The following DMTF1 variants were observed in gnomAD, a reference collection of about 807,000 sequenced individuals.
The protein encoded by DMTF1 is cyclin-D-binding Myb-like transcription factor 1.
Under a neutral mutation model 91.1 loss-of-function variants are expected in DMTF1, and 39 were observed. The observed-to-expected ratio is 0.43, with a 90% CI of 0.33 to 0.56. The LOEUF (loss-of-function observed/expected upper bound fraction) is 0.56. Ranked by LOEUF, DMTF1 falls within the 20% of genes least tolerant of loss-of-function variation. The probability of loss-of-function intolerance (pLI) is 0.05; values close to 1 mark genes in which losing one functional copy is unlikely to be tolerated. For synonymous variants in DMTF1, 338 were observed against 309.5 expected, an observed-to-expected ratio of 1.09 and a Z score of -0.97; for missense variants, 750 against 914.5, an observed-to-expected ratio of 0.82 and a Z score of 2.32.
chr7:87,192,237 ATGT>A (rs1397650602), intron 14 of DMTF1, among the ~76,000 whole-genome samples: 7 of 152,128 alleles, frequency 4.6e-5, no homozygotes, highest in African/African-American at 1.4e-4. Context: ...TGAAAATTAA[ATGT>A]TAAGTATATT....
At chr7:87,179,739 T>C in intron 8 of DMTF1, 37 bp downstream of exon 8, 1 of 1,531,594 alleles carries the variant, frequency 6.5e-7, no homozygotes, top group Non-Finnish European at 8.7e-7. Flanking sequence ...TTTCATGTAA[T>C]TAGGGGAAAT....
rs780025011 is a variant in DMTF1, at chr7:87,193,785, A to G, written c.1711A>G (p.Ile571Val). ...AGTGCAGTGTCACACACCAAGAGTC[A>G]TCATTCAGACTGTTGCCACAGAGGA... Reference protein sequence around the residue: ...VTVQCHTPRVIIQTVATEDIT... With the variant: ...VTVQCHTPRVVIQTVATEDIT... Residue 571 changes from isoleucine to valine, a missense_variant, in exon 16 of 18, where the codon ATC becomes GTC. This residue lies in a region of DMTF1 where 410 missense variants were observed against 420.2 expected (regional missense o/e 0.98). Transcript: ENST00000331242. The G allele has an allele frequency of 6.2e-7, 1 of 1,612,938 alleles. No homozygotes were observed. Among genetic ancestry groups the G allele is most frequent in the Non-Finnish European group, 8.5e-7 (1 of 1,179,250 alleles).
At chr7:87,173,905 C>G (rs760298788) in intron 6 of DMTF1, among the ~76,000 whole-genome samples, 17 of 152,116 alleles carry the variant, frequency 1.1e-4, no homozygotes, top group Non-Finnish European at 2.2e-4. Flanking sequence ...TGAACAAATG[C>G]ATAGTGGTGG....
In DMTF1 at chr7:87,164,649, CT is replaced by C. The variant is rs551465601; in HGVS notation, c.-8-281del. Among the ~76,000 whole-genome samples the C allele has an allele frequency of 4.0e-3, 602 of 152,282 alleles. 2 individuals carry two copies. Among genetic ancestry groups the C allele is most frequent in the African/African-American group, 0.013 (558 of 41,564 alleles). ...AAGTTTTGCTGATAAGACGGATTCT[CT>C]TTTGTTGGATGTTGCAAAAACGTTT... On this transcript the variant is annotated intron_variant, in intron 2 of 17. Transcript: ENST00000331242.
chr7:87,195,986 G>A lies in DMTF1; in HGVS notation c.*846G>A, dbSNP rs1366568418. The A allele has an allele frequency of 1.3e-5, 2 of 151,996 alleles. No homozygotes were observed. Among genetic ancestry groups the A allele is most frequent in the Admixed American group, 6.6e-5 (1 of 15,208 alleles). 9.4% of individuals were successfully genotyped at this position (151,996 alleles called of 1,614,324 possible). A position where few individuals can be genotyped will look rare whatever the true frequency, so the allele number is the denominator to read the frequency against. ...TCATCCACTTAGTGTGTTAGCTGGT[G>A]GGGTACAATATAACCTCTCATCTCA... On this transcript the variant is annotated 3_prime_UTR_variant, in exon 18 of 18. Coordinates refer to ENST00000331242, the MANE Select transcript of DMTF1 (RefSeq NM_001142327.2).
At chr7:87,167,916 A>G (rs889803700) in intron 4 of DMTF1, among the ~76,000 whole-genome samples, 2 of 152,228 alleles carry the variant, frequency 1.3e-5, no homozygotes, top group African/African-American at 2.4e-5. Flanking sequence ...ACTTCAACCA[A>G]TTCATTTTGT....
chr7:87,152,999 G>A (rs1364643972), intron 1 of DMTF1: 1 of 154,474 alleles, frequency 6.5e-6, no homozygotes, highest in Admixed American at 6.5e-5. Context: ...TTTTATTTTT[G>A]TTACGTTTTC....
intron 13 of DMTF1, among the ~76,000 whole-genome samples, chr7:87,189,828 A>C (rs1471075811): frequency 6.6e-6 from 1 of 152,072 alleles, no homozygotes; most frequent in Non-Finnish European, 1.5e-5. Flanking sequence ...CTTAAGCTAC[A>C]TTTGTCCCTG....
Position 87,166,494 on chromosome 7 carries a change from A to G in DMTF1, c.121A>G (p.Ile41Val). The change falls in exon 4 of 18, where the codon ATA becomes GTA. Residue 41 changes from isoleucine (I) to valine (V), a missense_variant. Ile to Val is a conservative substitution (Grantham distance 29). Transcript: ENST00000331242. ...LHCPQNEADE[I>V]DSEDSIEPPH... is the part of the protein sequence containing the mutation. ...TTTTCTTCCATTAGAAGCGGATGAAATAGACTCAGAAGATAGTATTGAACC... is the reference window on the plus strand; with the variant it reads ...TTTTCTTCCATTAGAAGCGGATGAAGTAGACTCAGAAGATAGTATTGAACC... The G allele has an allele frequency of 6.2e-7, 1 of 1,611,676 alleles. No individual in the cohort carries two copies.
chr7:87,194,397 TA>T lies in DMTF1; in HGVS notation c.2029-285del, dbSNP rs1800693829. On this transcript the variant is annotated intron_variant, in intron 16 of 17. Transcript: ENST00000331242. Reference sequence around the variant, plus strand: ...TAGAAGCATTTTCCTGAGTGGTTAGTAATCTTTGTGGTTCAGCCTAGGAACA... The same window carrying T: ...TAGAAGCATTTTCCTGAGTGGTTAGTATCTTTGTGGTTCAGCCTAGGAACA... 6 of 482,218 alleles carry T rather than the reference TA, an allele frequency of 1.2e-5. No homozygotes were observed. In the East Asian group the frequency reaches 2.1e-4, roughly 17 times the overall value. The allele number at this position is 482,218 out of a possible 1,614,324, so 29.9% of individuals were successfully genotyped here.
chr7:87,188,391 T>C (rs561753571), intron 13 of DMTF1, 90 bp downstream of exon 13: 3 of 1,390,240 alleles, frequency 2.2e-6, no homozygotes, highest in South Asian at 1.2e-5. Context: ...AGAATGTTAA[T>C]AGAAATTTAC....
chr7:87,190,734 A>G (rs973197175), intron 13 of DMTF1, among the ~76,000 whole-genome samples: 3 of 152,076 alleles, frequency 2.0e-5, no homozygotes, highest in African/African-American at 7.2e-5. Context: ...TTTGTGGGCC[A>G]TAGTTAGCCC....
intron 14 of DMTF1, among the ~76,000 whole-genome samples, chr7:87,191,956 A>G (rs1378880513): frequency 2.0e-5 from 3 of 152,114 alleles, no homozygotes; most frequent in African/African-American, 7.2e-5. Flanking sequence ...TCCCAAGAGG[A>G]TGGCCACCTT....
intron 11 of DMTF1, 56 bp downstream of exon 11, chr7:87,184,681 G>A (rs1349830193): frequency 2.0e-6 from 3 of 1,480,512 alleles, no homozygotes; most frequent in Non-Finnish European, 2.8e-6. Context: ...TGGATGTCTT[G>A]ATAGACTTTC....
At chr7:87,184,654 A>C in intron 11 of DMTF1, 29 bp downstream of exon 11, 13 of 1,591,234 alleles carry the variant, frequency 8.2e-6, no homozygotes, top group Non-Finnish European at 1.1e-5. Context: ...GTAATGACAA[A>C]AGCAACTTAA....
chr7:87,172,796 C>G (rs187666758), intron 5 of DMTF1, among the ~76,000 whole-genome samples: 1 of 152,178 alleles, frequency 6.6e-6, no homozygotes, highest in African/African-American at 2.4e-5. Context: ...TCAACTCTGC[C>G]GAAGGCAGCT....
chr7:87,184,889 ACAGGTATGGCACAGG>A, intron 11 of DMTF1: 3 of 570,022 alleles, frequency 5.3e-6, no homozygotes, highest in Non-Finnish European at 1.0e-5. Flanking sequence ...TATCCACAGA[ACAGGTATGGCACAGG>A]CAGCGGCAGT....
chr7:87,159,534 A>T (rs1012186862), intron 1 of DMTF1, among the ~76,000 whole-genome samples: 2 of 152,222 alleles, frequency 1.3e-5, no homozygotes, highest in African/African-American at 4.8e-5. Flanking sequence ...GTATTGTGCT[A>T]TTTAAAGATA....
chr7:87,192,461 A>G (rs1240333956), intron 14 of DMTF1: 1 of 152,246 alleles, frequency 6.6e-6, no homozygotes, highest in East Asian at 1.9e-4. Flanking sequence ...CCACTTTAGC[A>G]ATAAGGAAAC....
Sources: allele counts gnomAD v4.1 joint callset (sites outside exome capture counted in the v4.1 genomes callset), GRCh38; gene constraint gnomAD v4.1.1; regional missense constraint gnomAD v4.1.1; transcripts MANE v1.5; gene names NCBI Gene and HGNC (gene_info 2026-07-23, HGNC 2026-07-21).